Variants in CYP39A1 observed in about 807,000 individuals in gnomAD.
CYP39A1 encodes the protein cytochrome P450 family 39 subfamily A member 1.
CYP39A1 carries 49 observed loss-of-function variants against 58.1 expected under a neutral mutation model. That is an observed-to-expected ratio of 0.84 (90% CI 0.67 to 1.07). CYP39A1 has a LOEUF of 1.07. Ranked by LOEUF, CYP39A1 falls within the 50% of genes least tolerant of loss-of-function variation. The pLI is 0.00. For missense variants in CYP39A1, 531 were observed against 539.4 expected, an observed-to-expected ratio of 0.98 and a Z score of 0.16; for synonymous variants, 209 against 187.6, an observed-to-expected ratio of 1.11 and a Z score of -0.93.
chr6:46,610,816 T>C (rs1227987111), intron 7 of CYP39A1, among the ~76,000 whole-genome samples: 3 of 152,364 alleles, frequency 2.0e-5, no homozygotes, highest in East Asian at 1.9e-4. Context: ...CCTTTTTCTT[T>C]ATTTAGATTG....
chr6:46,622,658 A>C (rs188745752), intron 7 of CYP39A1, among the ~76,000 whole-genome samples: 56 of 152,278 alleles, frequency 3.7e-4, no homozygotes, highest in Non-Finnish European at 6.3e-4. Context: ...CACAGCTGTA[A>C]AACAAGAAAA....
Position 46,601,664 on chromosome 6 carries a change from C to CTTATTA in CYP39A1, c.932-5545_932-5544insTAATAA, listed in dbSNP as rs1316630715. On this transcript the variant is annotated intron_variant, in intron 7 of 11. Transcript: ENST00000275016. ...TGGCATGTGGCAAAATCTCAGGTTA[C>CTTATTA]CTATTATTATTATTATTATTATTAT... Among the ~76,000 whole-genome samples the CTTATTA allele has an allele frequency of 8.0e-5, 11 of 136,810 alleles. No homozygotes were observed. In the South Asian group the frequency reaches 2.5e-3, roughly 32 times the overall value. 89.8% of individuals were successfully genotyped at this position (136,810 alleles called of 152,430 possible). A position where few individuals can be genotyped will look rare whatever the true frequency, so the allele number is the denominator to read the frequency against.
At chr6:46,611,368 A>G (rs377013638) in intron 7 of CYP39A1, among the ~76,000 whole-genome samples, 78 of 152,366 alleles carry the variant, frequency 5.1e-4, no homozygotes, top group African/African-American at 1.8e-3. Flanking sequence ...TGCGAAAGAT[A>G]TGAAGGACTG....
chr6:46,589,768 G>A (rs780626177), intron 8 of CYP39A1, among the ~76,000 whole-genome samples: 5 of 152,158 alleles, frequency 3.3e-5, no homozygotes, highest in East Asian at 1.9e-4. Context: ...ACAGAGGGCC[G>A]TGATGTGTAT....
chr6:46,555,024 C>A (rs1770598149), intron 10 of CYP39A1, among the ~76,000 whole-genome samples: 1 of 149,524 alleles, frequency 6.7e-6, no homozygotes, highest in Admixed American at 6.7e-5. Flanking sequence ...TTCACTATCT[C>A]CTCATTACAC....
chr6:46,600,484 G>C (rs1773422544), intron 7 of CYP39A1, among the ~76,000 whole-genome samples: 1 of 152,116 alleles, frequency 6.6e-6, no homozygotes, highest in Non-Finnish European at 1.5e-5. Flanking sequence ...TTAGGGGCTA[G>C]TTGTCAAAGG....
chr6:46,603,441 G>C (rs183631400), intron 7 of CYP39A1, among the ~76,000 whole-genome samples: 42 of 152,256 alleles, frequency 2.8e-4, no homozygotes, highest in Middle Eastern at 3.4e-3. Context: ...TGGATTCAGT[G>C]AACACTGATC....
intron 5 of CYP39A1, among the ~76,000 whole-genome samples, chr6:46,636,148 C>CA: frequency 6.6e-6 from 1 of 152,114 alleles, no homozygotes; most frequent in Non-Finnish European, 1.5e-5. Flanking sequence ...CAATACGGAA[C>CA]ATCGGAATTG....
At chr6:46,648,399 A>T (rs1762460385) in intron 1 of CYP39A1, among the ~76,000 whole-genome samples, 1 of 151,750 alleles carries the variant, frequency 6.6e-6, no homozygotes, top group African/African-American at 2.4e-5. Context: ...ATTCTCAGCA[A>T]ACTATCACAA....
At chr6:46,648,280 A>G (rs952366708) in intron 1 of CYP39A1, among the ~76,000 whole-genome samples, 17 of 152,160 alleles carry the variant, frequency 1.1e-4, no homozygotes, top group African/African-American at 4.1e-4. Flanking sequence ...CATCAATGAT[A>G]GACTGGATTA....
chr6:46,572,302 T>C (rs1462478741), intron 10 of CYP39A1, among the ~76,000 whole-genome samples: 2 of 152,164 alleles, frequency 1.3e-5, no homozygotes, highest in African/African-American at 4.8e-5. Flanking sequence ...TTAATTTGTG[T>C]CCTTTCATTT....
chr6:46,565,536 G>A (rs1230165261), intron 10 of CYP39A1, among the ~76,000 whole-genome samples: 2 of 152,060 alleles, frequency 1.3e-5, no homozygotes, highest in African/African-American at 4.8e-5. Context: ...AAGGAGATGA[G>A]AAAGTGTAAA....
intron 7 of CYP39A1, among the ~76,000 whole-genome samples, chr6:46,618,656 T>C (rs879353050): frequency 6.6e-6 from 1 of 152,168 alleles, no homozygotes; most frequent in Admixed American, 6.5e-5. Context: ...CTCAAAGTAC[T>C]GATAAGATAT....
intron 3 of CYP39A1, among the ~76,000 whole-genome samples, chr6:46,638,989 A>C (rs1184094695): frequency 6.6e-6 from 1 of 152,196 alleles, no homozygotes. Flanking sequence ...CCTGGGGCTC[A>C]GTCCTGAGGC....
At chr6:46,631,130 A>T in intron 5 of CYP39A1, 60 bp from the exon 6 acceptor site, 2 of 1,274,260 alleles carry the variant, frequency 1.6e-6, no homozygotes, top group East Asian at 4.6e-5. Flanking sequence ...CGATGTTAAT[A>T]AACAAGAGAT....
chr6:46,581,416 A>T (rs1772127800), intron 10 of CYP39A1, among the ~76,000 whole-genome samples: 1 of 152,044 alleles, frequency 6.6e-6, no homozygotes, highest in African/African-American at 2.4e-5. Flanking sequence ...AAAAAAAAAA[A>T]AAAAGAGAGA....
chr6:46,567,225 T>C (rs2150490272), intron 10 of CYP39A1, among the ~76,000 whole-genome samples: 1 of 152,270 alleles, frequency 6.6e-6, no homozygotes, highest in East Asian at 1.9e-4. Flanking sequence ...GATGACTTTA[T>C]GTAGGATTTG....
chr6:46,615,879 T>C (rs970537762), intron 7 of CYP39A1, among the ~76,000 whole-genome samples: 1 of 151,994 alleles, frequency 6.6e-6, no homozygotes, highest in Non-Finnish European at 1.5e-5. Flanking sequence ...GTCTAACTCT[T>C]AACATCTTAA....
At chr6:46,574,340 GA>G (rs1771743556) in intron 10 of CYP39A1, among the ~76,000 whole-genome samples, 1 of 152,200 alleles carries the variant, frequency 6.6e-6, no homozygotes, top group Non-Finnish European at 1.5e-5. Flanking sequence ...GTAAAGGAGA[GA>G]GGGGGCAGGG....
Sources: allele counts gnomAD v4.1 joint callset (sites outside exome capture counted in the v4.1 genomes callset), GRCh38; gene constraint gnomAD v4.1.1; transcripts MANE v1.5; gene names NCBI Gene and HGNC (gene_info 2026-07-23, HGNC 2026-07-21).